DNAH9: variants seen among roughly 807,000 people sequenced by gnomAD.
The protein encoded by DNAH9 is DNAH9 variant protein.
A neutral mutation model predicts 471.6 loss-of-function variants in DNAH9; 345 were observed. The observed-to-expected ratio is 0.73, with a 90% CI of 0.67 to 0.80. The LOEUF (loss-of-function observed/expected upper bound fraction) is 0.80, where lower values mean the gene tolerates loss of function less well. Among genes scored for constraint, DNAH9 ranks in the 30% least tolerant of loss-of-function variants. The pLI is 0.00. For synonymous variants in DNAH9, 2,093 were observed against 2,123.6 expected (o/e 0.99, Z 0.40); for missense variants, 5,407 against 5,609.2 (o/e 0.96, Z 1.15).
At chr17:11,927,985 ACT>A (rs528092693) in intron 62 of DNAH9, among the ~76,000 whole-genome samples, 51 of 152,056 alleles carry the variant, frequency 3.4e-4, no homozygotes, top group African/African-American at 1.2e-3. Flanking sequence ...CCCACTAAAC[ACT>A]CTGCTCCAAT....
At chr17:11,927,925 A>C (rs938643906) in intron 62 of DNAH9, among the ~76,000 whole-genome samples, 1 of 152,120 alleles carries the variant, frequency 6.6e-6, no homozygotes, top group East Asian at 1.9e-4. Context: ...AATTACCCAC[A>C]TGTAGGTTGC....
At chr17:11,878,483 A>AGAG (rs1972594715) in intron 53 of DNAH9, among the ~76,000 whole-genome samples, 1 of 152,200 alleles carries the variant, frequency 6.6e-6, no homozygotes, top group Non-Finnish European at 1.5e-5. Flanking sequence ...AGTGATGCCT[A>AGAG]GAGGAGTCTT....
intron 34 of DNAH9, 132 bp from the exon 35 acceptor site, chr17:11,757,413 C>A: frequency 2.4e-6 from 2 of 828,944 alleles, no homozygotes; most frequent in Non-Finnish European, 3.7e-6. Context: ...CCGCTCACAT[C>A]TTGGCCAAAT....
At chr17:11,819,075 C>T (rs933350597) in intron 45 of DNAH9, among the ~76,000 whole-genome samples, 1 of 151,910 alleles carries the variant, frequency 6.6e-6, no homozygotes, top group African/African-American at 2.4e-5. Flanking sequence ...CAAACATAGC[C>T]CATTATCTCC....
At chr17:11,719,624 G>T in intron 27 of DNAH9, 134 bp downstream of exon 27, 1 of 848,234 alleles carries the variant, frequency 1.2e-6, no homozygotes, top group Non-Finnish European at 1.8e-6. Context: ...GGAGGTCTCA[G>T]TTTGCTCCTT....
Position 11,937,346 on chromosome 17 carries a change from T to G in DNAH9, c.12490-6T>G. The G allele has an allele frequency of 6.3e-7, 1 of 1,595,862 alleles. No individual in the cohort carries two copies. Among genetic ancestry groups the G allele is most frequent in the Non-Finnish European group, 8.5e-7 (1 of 1,170,486 alleles). On this transcript the variant is annotated splice_polypyrimidine_tract_variant and splice_region_variant and intron_variant, in intron 65 of 68. Transcript: ENST00000262442. This position sits in a 1 kb window ranked among gnomAD's most constrained non-coding sequence, Gnocchi z 4.1. ...CTTTTTAAGTGAGCTTGCCCTTGATTTTCAGTACATCGATGCTGAGCTGCC... is the reference window on the plus strand; with the variant it reads ...CTTTTTAAGTGAGCTTGCCCTTGATGTTCAGTACATCGATGCTGAGCTGCC...
At chr17:11,842,698 A>G (rs1163965412) in intron 49 of DNAH9, among the ~76,000 whole-genome samples, 1 of 152,170 alleles carries the variant, frequency 6.6e-6, no homozygotes. Context: ...AGATAGATAA[A>G]GGCCAGAAGA....
At chr17:11,681,816 T>C (rs1253217195) in intron 19 of DNAH9, among the ~76,000 whole-genome samples, 1 of 152,152 alleles carries the variant, frequency 6.6e-6, no homozygotes, top group African/African-American at 2.4e-5. Flanking sequence ...CGAAGTTCAA[T>C]AAAAATTAAG....
At chr17:11,786,768 T>C (rs1426477291) in intron 41 of DNAH9, among the ~76,000 whole-genome samples, 1 of 152,158 alleles carries the variant, frequency 6.6e-6, no homozygotes, top group East Asian at 1.9e-4. Context: ...TGGTCACTGA[T>C]GCAATATCAA....
At chr17:11,736,113 C>T (rs909991348) in intron 28 of DNAH9, among the ~76,000 whole-genome samples, 1 of 152,136 alleles carries the variant, frequency 6.6e-6, no homozygotes, top group African/African-American at 2.4e-5. Context: ...TAACATCTTA[C>T]ATAAACATAG....
intron 28 of DNAH9, among the ~76,000 whole-genome samples, chr17:11,728,269 C>A (rs1421368227): frequency 1.3e-5 from 2 of 152,148 alleles, no homozygotes; most frequent in African/African-American, 4.8e-5. Flanking sequence ...TGGTTATAAA[C>A]CAAGGCTTAA....
At chr17:11,865,418 G>A (rs530561367) in intron 50 of DNAH9, among the ~76,000 whole-genome samples, 1 of 151,950 alleles carries the variant, frequency 6.6e-6, no homozygotes, top group Non-Finnish European at 1.5e-5. Flanking sequence ...TCCCTTTGTG[G>A]GTAACCCGAC....
rs1287523530 is a variant in DNAH9, at chr17:11,875,081, T to A, written c.10375T>A (p.Cys3459Ser). Residue 3459 changes from cysteine to serine, a missense_variant, in exon 53 of 69, where the codon TGT becomes AGT. By Grantham distance (112) the Cys-to-Ser change is moderately radical. Around this residue, in one of 3 missense-constraint regions of DNAH9, gnomAD observed 4,636 missense variants for 4,900.3 expected, o/e 0.95. Transcript: ENST00000262442. ...SVENATILIN[C>S]ERWPLMVDPQ... ...GGAGAATGCCACCATTCTCATCAAC[T>A]GTGAGCGCTGGCCACTCATGGTTGA... 2 of 1,614,146 alleles carry A rather than the reference T, an allele frequency of 1.2e-6. No individual in the cohort carries two copies. The highest frequency in any genetic ancestry group is 3.3e-5 in the Admixed American group (2 of 60,012).
At position 11,932,200 on chromosome 17, in the gene DNAH9, G is replaced by A. The variant is rs201738395; in HGVS notation, c.12292G>A (p.Ala4098Thr). The A allele has an allele frequency of 1.2e-5, 20 of 1,613,880 alleles. No homozygotes were observed. Among genetic ancestry groups the A allele is most frequent in the East Asian group, 8.9e-5 (4 of 44,874 alleles). The change falls in exon 64 of 69, where the codon GCA (alanine) becomes ACA (threonine). Residue 4098 changes from alanine (A) to threonine (T), a missense_variant. By Grantham distance (58) the Ala-to-Thr change is moderately conservative (BLOSUM62 0). Transcript: ENST00000262442. The surrounding 1 kb of genome is among the most constrained non-coding windows in gnomAD (Gnocchi z 4.3). ...NVLYNFLEAN[A>T]KVPYDDLRYL... ...CCTCTACAACTTCCTGGAGGCCAAC[G>A]CAAAGGTAAAGGCCATGGACATTCA... is the stretch of plus-strand genomic sequence containing the variant.
intron 66 of DNAH9, among the ~76,000 whole-genome samples, chr17:11,939,819 G>GATGGATGT (rs1432628036): frequency 6.6e-6 from 1 of 151,270 alleles, no homozygotes; most frequent in Non-Finnish European, 1.5e-5. Context: ...TGGATGGATG[G>GATGGATGT]ATGGATGGAT....
chr17:11,852,783 A>C (rs2150969036), intron 49 of DNAH9, among the ~76,000 whole-genome samples: 1 of 138,616 alleles, frequency 7.2e-6, no homozygotes, highest in South Asian at 2.4e-4. Context: ...CAGTATATAT[A>C]AGAGATATAT....
chr17:11,903,450 C>CT (rs1356120440), intron 60 of DNAH9, among the ~76,000 whole-genome samples: 1 of 151,968 alleles, frequency 6.6e-6, no homozygotes, highest in Non-Finnish European at 1.5e-5. Flanking sequence ...GACTGTACAA[C>CT]TTGGTAAATG....
Position 11,608,140 on chromosome 17 carries a change from C to T in DNAH9, c.429C>T (p.Pro143=), listed in dbSNP as rs11078022. The change falls in exon 2 of 69, where the codon CCC becomes CCT. Residue 143 remains proline, a synonymous_variant. Transcript: ENST00000262442. ...CACCTCTGTTCCAGGTTGTTCTACC[C>T]GTCCTGGCCAATGAGAAGAATCGCC... is the stretch of plus-strand genomic sequence containing the variant. The part of the protein sequence containing the change: ...LAALFSEVVL[P]VLANEKNRLN... 0.42 allele frequency: 666,109 copies of T among 1,594,930 alleles called. 145,822 individuals carry two copies. Among genetic ancestry groups the T allele is most frequent in the South Asian group, 0.6 (54,165 of 89,700 alleles).
intron 57 of DNAH9, 115 bp downstream of exon 57, chr17:11,887,080 G>A: frequency 7.3e-7 from 1 of 1,365,844 alleles, no homozygotes; most frequent in Non-Finnish European, 9.8e-7. Context: ...AAGTCTGTAA[G>A]ATCAAAGCCA....
Sources: allele counts gnomAD v4.1 joint callset (sites outside exome capture counted in the v4.1 genomes callset), GRCh38; gene constraint gnomAD v4.1.1; regional missense constraint gnomAD v4.1.1; non-coding constraint Gnocchi (gnomAD v3.1); transcripts MANE v1.5; gene names NCBI Gene and HGNC (gene_info 2026-07-23, HGNC 2026-07-21).